Variants in TNNT2 observed in about 807,000 individuals in gnomAD.
TNNT2 encodes troponin T2, cardiac type, also known as troponin T, cardiac muscle.
A neutral mutation model predicts 62.4 loss-of-function variants in TNNT2; 34 were observed. That is an observed-to-expected ratio of 0.54 (90% CI 0.41 to 0.72). The LOEUF (loss-of-function observed/expected upper bound fraction) is 0.72. Ranked by LOEUF, TNNT2 falls within the 30% of genes least tolerant of loss-of-function variation. TNNT2 has a pLI of 0.00. For missense variants in TNNT2, 275 were observed against 381.9 expected (o/e 0.72, Z 2.33); for synonymous variants, 123 against 127.2 (o/e 0.97, Z 0.22).
In TNNT2 at chr1:201,367,316, G is replaced by A. The variant is rs574125897; in HGVS notation, c.200-445C>T. The stretch of plus-strand genomic sequence containing the variant: ...ATGACATGATTCCAAGCCCCAGCTG[G>A]TTGTCCCCTCCCCTTTGGAGAAGTG... On this transcript the variant is annotated intron_variant, in intron 7 of 16. Coordinates refer to ENST00000656932, the MANE Select transcript of TNNT2 (RefSeq NM_001276345.2). 157 of 382,092 alleles carry A rather than the reference G, an allele frequency of 4.1e-4. 1 individual carries two copies. Among genetic ancestry groups the A allele is most frequent in the African/African-American group, 2.9e-3 (143 of 48,710 alleles). 23.7% of individuals were successfully genotyped at this position (382,092 alleles called of 1,614,324 possible).
In TNNT2 at chr1:201,365,310, G is replaced by T. The variant is rs1659453460; in HGVS notation, c.295-3C>A. On this transcript the variant is annotated splice_region_variant and splice_polypyrimidine_tract_variant and intron_variant, in intron 9 of 16. Coordinates refer to ENST00000656932, the MANE Select transcript of TNNT2 (RefSeq NM_001276345.2). ...TCCATGCGCTTCCGGTGGATGTCCT[G>T]TGGGTGGACCGCTGCGGCTCAGAGG... The T allele has an allele frequency of 6.2e-7, 1 of 1,612,818 alleles. No homozygotes were observed. The highest frequency in any genetic ancestry group is 8.5e-7 in the Non-Finnish European group (1 of 1,178,856).
At chr1:201,367,411 C>T (rs1029235957) in intron 7 of TNNT2, 32 of 450,528 alleles carry the variant, frequency 7.1e-5, no homozygotes, top group Middle Eastern at 6.3e-4. Context: ...CCACCATGAC[C>T]ATCTATGCAT....
intron 1 of TNNT2, among the ~76,000 whole-genome samples, chr1:201,376,555 C>T (rs1661424966): frequency 6.6e-6 from 1 of 152,088 alleles, no homozygotes. Context: ...TAGGAGGCAG[C>T]CAGCAACCTG....
chr1:201,373,167 A>C (rs1660907795), intron 2 of TNNT2, 47 bp downstream of exon 2: 1 of 1,593,468 alleles, frequency 6.3e-7, no homozygotes, highest in African/African-American at 1.3e-5. Context: ...GTGTCAGGGC[A>C]GCGGCGGGAG....
At chr1:201,368,763 C>G (rs1018704075) in intron 5 of TNNT2, among the ~76,000 whole-genome samples, 4 of 152,182 alleles carry the variant, frequency 2.6e-5, no homozygotes, top group Non-Finnish European at 4.4e-5. Context: ...GACAGACAAA[C>G]AGATAAGGGA....
At chr1:201,373,612 T>C in intron 1 of TNNT2, 1 of 382,044 alleles carries the variant, frequency 2.6e-6, no homozygotes, top group South Asian at 2.2e-5. Flanking sequence ...ACAGGATCTG[T>C]TCAGCACTGT....
chr1:201,368,909 G>C (rs1320316511), intron 5 of TNNT2, among the ~76,000 whole-genome samples: 1 of 152,212 alleles, frequency 6.6e-6, no homozygotes, highest in African/African-American at 2.4e-5. Context: ...ACCATCGTGG[G>C]AGAAGGGTTG....
At position 201,361,381 on chromosome 1, in the gene TNNT2, A is replaced by T; in HGVS notation, c.720-12T>A. 6.2e-7 allele frequency: 1 copy of T among 1,613,288 alleles called. No individual in the cohort carries two copies. Among genetic ancestry groups the T allele is most frequent in the Non-Finnish European group, 8.5e-7 (1 of 1,179,384 alleles). On this transcript the variant is annotated splice_polypyrimidine_tract_variant and intron_variant, in intron 14 of 16. Transcript: ENST00000656932. ...CCTTGGCCTTCTCCCTGCACGGGCA[A>T]GGGTGAGAATGGGGAGGTCCAGTAA...
chr1:201,361,010 A>C, intron 15 of TNNT2: 1 of 508,596 alleles, frequency 2.0e-6, no homozygotes, highest in Non-Finnish European at 3.6e-6. Context: ...CTGCTGCCTC[A>C]ACGTGTTGGA....
At chr1:201,364,757 T>C (rs949869905) in intron 10 of TNNT2, among the ~76,000 whole-genome samples, 2 of 152,106 alleles carry the variant, frequency 1.3e-5, no homozygotes, top group African/African-American at 4.8e-5. Context: ...GAAGGCAAGT[T>C]TGATGGGGAG....
At chr1:201,376,644 G>A (rs983275172) in intron 1 of TNNT2, among the ~76,000 whole-genome samples, 2 of 152,154 alleles carry the variant, frequency 1.3e-5, no homozygotes, top group South Asian at 2.1e-4. Context: ...ATTTGGGAGG[G>A]CAGGTAGCTT....
chr1:201,360,867 C>T, intron 15 of TNNT2: 6 of 323,768 alleles, frequency 1.9e-5, no homozygotes, highest in South Asian at 1.4e-4. Context: ...GCTTGAGGCT[C>T]AGCCTAATTG....
chr1:201,369,735 C>T (rs1034609572), intron 5 of TNNT2, 81 bp downstream of exon 5: 2 of 1,591,444 alleles, frequency 1.3e-6, no homozygotes, highest in South Asian at 1.1e-5. Flanking sequence ...CCCCAGCCCC[C>T]AGAACAGGGC....
At chr1:201,373,842 A>G in intron 1 of TNNT2, 1 of 183,804 alleles carries the variant, frequency 5.4e-6, no homozygotes, top group Non-Finnish European at 1.2e-5. Flanking sequence ...CGAAGTGCTG[A>G]GATTACAGGC....
At chr1:201,374,523 A>G (rs2996493) in intron 1 of TNNT2, 11,893 of 152,238 alleles carry the variant, frequency 0.078, 924 homozygotes, top group African/African-American at 0.2. Flanking sequence ...AGGTGTTACA[A>G]TGAGCATGTA....
intron 4 of TNNT2, 43 bp downstream of exon 4, chr1:201,371,984 G>A: frequency 3.1e-6 from 5 of 1,613,656 alleles, no homozygotes; most frequent in Non-Finnish European, 3.4e-6. Context: ...CCACATTGCT[G>A]AGCCTGCCCC....
In TNNT2 at chr1:201,363,025, C is replaced by T. The variant is rs1158153307; in HGVS notation, c.600+271G>A. On this transcript the variant is annotated intron_variant, in intron 12 of 16. Coordinates refer to ENST00000656932, the MANE Select transcript of TNNT2 (RefSeq NM_001276345.2). Reference sequence around the variant, plus strand: ...GCTGCACCCAGCCTCCTTGGGGGCTCCTGAGCACTGCTGGAGCCAGGCATG... The same window carrying T: ...GCTGCACCCAGCCTCCTTGGGGGCTTCTGAGCACTGCTGGAGCCAGGCATG... 4 of 818,792 alleles carry T rather than the reference C, an allele frequency of 4.9e-6. No homozygotes were observed. The African/African-American group carries it at 7.4e-5, about 15-fold the overall frequency. 50.7% of individuals were successfully genotyped at this position (818,792 alleles called of 1,614,324 possible).
chr1:201,362,822 G>A (rs1104858), intron 12 of TNNT2, among the ~76,000 whole-genome samples: 106,444 of 152,134 alleles, frequency 0.7, 37,568 homozygotes, highest in South Asian at 0.82. Flanking sequence ...CCTCACATCT[G>A]TGTGGCACAT....
At chr1:201,368,309 G>A (rs930819916) in intron 5 of TNNT2, 82 bp from the exon 6 acceptor site, 18 of 1,430,442 alleles carry the variant, frequency 1.3e-5, no homozygotes, top group Admixed American at 3.6e-5. Flanking sequence ...AATGGGCAGC[G>A]GGGAGTGGGG....
Sources: gnomAD v4.1 joint callset for allele counts (sites outside exome capture counted in the v4.1 genomes callset) on GRCh38, gnomAD v4.1.1 for gene constraint, MANE v1.5 for transcripts, NCBI Gene and HGNC (gene_info 2026-07-23, HGNC 2026-07-21) for gene names.